Variants in CMSS1 observed in about 807,000 individuals in gnomAD.
CMSS1 encodes protein CMSS1.
CMSS1 carries 33 observed loss-of-function variants against 43.5 expected under a neutral mutation model. The observed-to-expected ratio is 0.76, with a 90% CI of 0.57 to 1.01. The LOEUF is 1.01. CMSS1 is among the 50% of genes least tolerant of loss of function. The probability of loss-of-function intolerance (pLI) is 0.00; values close to 1 mark genes in which losing one functional copy is unlikely to be tolerated. For synonymous variants in CMSS1, 115 were observed against 117.2 expected (o/e 0.98, Z 0.12); for missense variants, 313 against 326.4 (o/e 0.96, Z 0.32).
At position 100,012,011 on chromosome 3, in the gene CMSS1, C is replaced by A. The variant is rs553332470; in HGVS notation, c.65-134962C>A. Reference sequence around the variant, plus strand: ...TTATGATAATTCCCATATCAATTATCATTTACCTGAATTGGATTTCTTTTG... The same window carrying A: ...TTATGATAATTCCCATATCAATTATAATTTACCTGAATTGGATTTCTTTTG... On this transcript the variant is annotated intron_variant, in intron 1 of 9. Transcript: ENST00000421999. 7.2e-5 allele frequency among the ~76,000 whole-genome samples: 11 copies of A among 152,276 alleles called. No individual in the cohort carries two copies. In the South Asian group the frequency reaches 2.3e-3, roughly 32 times the overall value.
intron 1 of CMSS1, among the ~76,000 whole-genome samples, chr3:100,020,583 G>A (rs2064793072): frequency 6.6e-6 from 1 of 152,010 alleles, no homozygotes; most frequent in Non-Finnish European, 1.5e-5. Flanking sequence ...TTTGCCATAA[G>A]CTAAAAGGAA....
chr3:99,912,919 T>TC (rs1272961464), intron 1 of CMSS1, among the ~76,000 whole-genome samples: 8 of 152,100 alleles, frequency 5.3e-5, no homozygotes, highest in Non-Finnish European at 1.2e-4. Flanking sequence ...AATATTTGTG[T>TC]CCCCCCAAAC....
chr3:99,893,591 T>A (rs1706160671), intron 1 of CMSS1, among the ~76,000 whole-genome samples: 1 of 152,200 alleles, frequency 6.6e-6, no homozygotes, highest in Non-Finnish European at 1.5e-5. Flanking sequence ...GTTTTATGGA[T>A]CTTTTTACTA....
intron 1 of CMSS1, chr3:99,929,939 C>A: frequency 6.2e-7 from 1 of 1,614,124 alleles, no homozygotes; most frequent in Non-Finnish European, 8.5e-7. Context: ...GCCTCTAACA[C>A]CTTTTTTGGA....
chr3:100,074,192 G>A (rs932297025), intron 1 of CMSS1, among the ~76,000 whole-genome samples: 2 of 152,180 alleles, frequency 1.3e-5, no homozygotes, highest in African/African-American at 4.8e-5. Flanking sequence ...TTATCCTGCA[G>A]TGGAGTCCGA....
chr3:100,156,904 C>A (rs996860311), intron 2 of CMSS1, among the ~76,000 whole-genome samples: 3 of 152,158 alleles, frequency 2.0e-5, no homozygotes, highest in African/African-American at 7.2e-5. Context: ...TGTGAGCCAC[C>A]ACGCCTGGCT....
At chr3:99,820,161 G>T (rs985486099) in intron 1 of CMSS1, among the ~76,000 whole-genome samples, 2 of 151,506 alleles carry the variant, frequency 1.3e-5, no homozygotes, top group Non-Finnish European at 1.5e-5. Context: ...GCCTAAGATT[G>T]CTCTACTTCT....
chr3:100,027,728 C>A (rs907941785), intron 1 of CMSS1, among the ~76,000 whole-genome samples: 1 of 152,150 alleles, frequency 6.6e-6, no homozygotes, highest in Non-Finnish European at 1.5e-5. Context: ...AGGTAGCACA[C>A]ATTTGAACAG....
chr3:100,082,137 AT>A (rs2065941856), intron 1 of CMSS1, among the ~76,000 whole-genome samples: 1 of 152,252 alleles, frequency 6.6e-6, no homozygotes, highest in Admixed American at 6.5e-5. Flanking sequence ...AAATTGCAAA[AT>A]ACAAACAACT....
chr3:99,962,636 A>G (rs1461150053), intron 1 of CMSS1, among the ~76,000 whole-genome samples: 1 of 152,250 alleles, frequency 6.6e-6, no homozygotes, highest in Non-Finnish European at 1.5e-5. Context: ...TAACAACAAC[A>G]ACAGCAACAA....
intron 1 of CMSS1, among the ~76,000 whole-genome samples, chr3:100,070,999 T>C (rs1416185088): frequency 1.3e-5 from 2 of 152,098 alleles, no homozygotes; most frequent in Admixed American, 6.5e-5. Context: ...TTTGTTTTGC[T>C]TTTAAGCTAT....
intron 2 of CMSS1, among the ~76,000 whole-genome samples, chr3:100,152,752 C>A (rs1186000633): frequency 6.6e-6 from 1 of 152,192 alleles, no homozygotes; most frequent in Non-Finnish European, 1.5e-5. Context: ...CCAATAGACA[C>A]ATTTTCCATA....
intron 1 of CMSS1, among the ~76,000 whole-genome samples, chr3:99,854,559 G>T (rs1302147285): frequency 6.6e-6 from 1 of 152,088 alleles, no homozygotes; most frequent in Non-Finnish European, 1.5e-5. Context: ...TCCATCTTCA[G>T]CACTGTTGAT....
intron 1 of CMSS1, among the ~76,000 whole-genome samples, chr3:100,104,155 C>T (rs1043014070): frequency 1.3e-5 from 2 of 152,168 alleles, no homozygotes; most frequent in African/African-American, 4.8e-5. Context: ...GAGAGTGGCC[C>T]TCTCTCACCC....
intron 1 of CMSS1, among the ~76,000 whole-genome samples, chr3:100,083,338 A>G (rs946147423): frequency 3.9e-5 from 6 of 152,230 alleles, no homozygotes; most frequent in South Asian, 2.1e-4. Flanking sequence ...CCCTTAACGT[A>G]TGTTGTGTGG....
chr3:100,014,874 C>CTTTTT (rs200759774), intron 1 of CMSS1, among the ~76,000 whole-genome samples: 98 of 28,158 alleles, frequency 3.5e-3, no homozygotes, highest in African/African-American at 3.7e-3. Flanking sequence ...TTTTTCTTTT[C>CTTTTT]TTTTTTTTTT....
At chr3:100,071,322 G>A (rs1055286785) in intron 1 of CMSS1, among the ~76,000 whole-genome samples, 2 of 152,114 alleles carry the variant, frequency 1.3e-5, no homozygotes, top group South Asian at 4.1e-4. Flanking sequence ...AAGACAGTAA[G>A]GGACAGGGAC....
chr3:99,917,999 A>G (rs891215898), intron 1 of CMSS1, among the ~76,000 whole-genome samples: 3 of 151,842 alleles, frequency 2.0e-5, no homozygotes, highest in African/African-American at 7.3e-5. Context: ...TTTTTTTGAG[A>G]CAGATTCTTG....
At chr3:100,014,053 G>C (rs1361003606) in intron 1 of CMSS1, among the ~76,000 whole-genome samples, 1 of 151,836 alleles carries the variant, frequency 6.6e-6, no homozygotes, top group Non-Finnish European at 1.5e-5. Flanking sequence ...GATTCCGCAT[G>C]TAAGTGAGAT....
Sources: gnomAD v4.1 joint callset for allele counts (sites outside exome capture counted in the v4.1 genomes callset) on GRCh38, gnomAD v4.1.1 for gene constraint, MANE v1.5 for transcripts, NCBI Gene and HGNC (gene_info 2026-07-23, HGNC 2026-07-21) for gene names.